MEIS1: variants seen among roughly 807,000 people sequenced by gnomAD.
MEIS1 encodes the protein Meis homeobox 1, also known as homeobox protein Meis1.
MEIS1 carries 5 observed loss-of-function variants against 50.8 expected under a neutral mutation model. That is an observed-to-expected ratio of 0.10 (90% CI 0.05 to 0.21). The LOEUF is 0.21. Among genes scored for constraint, MEIS1 ranks in the 10% least tolerant of loss-of-function variants. The pLI is 1.00. For synonymous variants in MEIS1, 176 were observed against 179.3 expected (o/e 0.98, Z 0.15); for missense variants, 318 against 517.3 (o/e 0.61, Z 3.74).
chr2:66,446,620 C>T (rs534686489), intron 6 of MEIS1, among the ~76,000 whole-genome samples: 8 of 152,366 alleles, frequency 5.3e-5, no homozygotes, highest in African/African-American at 1.9e-4. Flanking sequence ...CATTTAGCAG[C>T]TCCTGGGCGA....
chr2:66,565,908 A>C (rs1304214479), intron 9 of MEIS1, among the ~76,000 whole-genome samples: 2 of 152,114 alleles, frequency 1.3e-5, no homozygotes, highest in Admixed American at 1.3e-4. Flanking sequence ...CTAATGAAAA[A>C]ACAGATTTTT....
chr2:66,454,546 G>C (rs773415424), intron 6 of MEIS1, among the ~76,000 whole-genome samples: 8 of 151,836 alleles, frequency 5.3e-5, no homozygotes, highest in Non-Finnish European at 1.0e-4. Flanking sequence ...TGTTGCTTTC[G>C]GGATGTTATT....
intron 7 of MEIS1, among the ~76,000 whole-genome samples, chr2:66,504,112 G>A (rs574936832): frequency 7.9e-5 from 12 of 152,106 alleles, no homozygotes; most frequent in Middle Eastern, 6.8e-3. Flanking sequence ...TAAATTCATA[G>A]GAAGAAGTAT....
intron 8 of MEIS1, among the ~76,000 whole-genome samples, chr2:66,531,853 TA>T (rs1172539243): frequency 1.3e-5 from 2 of 152,056 alleles, no homozygotes; most frequent in African/African-American, 4.8e-5. Flanking sequence ...ACAGTGTCTG[TA>T]AAATCACTCG....
chr2:66,436,769 G>A (rs980419077), intron 1 of MEIS1: 5 of 513,956 alleles, frequency 9.7e-6, no homozygotes, highest in African/African-American at 2.1e-5. Context: ...CACTCTCAGC[G>A]CCTCCAAATC....
chr2:66,512,335 C>T (rs1321580254), intron 8 of MEIS1, 41 bp downstream of exon 8: 3 of 1,563,894 alleles, frequency 1.9e-6, no homozygotes, highest in African/African-American at 2.8e-5. Flanking sequence ...TAAATATGGA[C>T]AATGAACCAG....
At chr2:66,496,737 G>T (rs1416871363) in intron 7 of MEIS1, among the ~76,000 whole-genome samples, 1 of 152,152 alleles carries the variant, frequency 6.6e-6, no homozygotes, top group East Asian at 1.9e-4. Context: ...GGTTGCTCAA[G>T]TTCCAACCCT....
intron 7 of MEIS1, among the ~76,000 whole-genome samples, chr2:66,501,762 T>C (rs1165981533): frequency 6.6e-6 from 1 of 152,174 alleles, no homozygotes; most frequent in Non-Finnish European, 1.5e-5. Context: ...AAGTAAACTA[T>C]AAATCTGAAC....
chr2:66,547,919 C>T (rs924259474), intron 8 of MEIS1, 24 bp from the exon 9 acceptor site: 26 of 1,611,264 alleles, frequency 1.6e-5, no homozygotes, highest in African/African-American at 5.3e-5. Context: ...CTGATGCACA[C>T]GTATCTTTTT....
At chr2:66,567,690 C>T in intron 10 of MEIS1, 179 bp downstream of exon 10, 1 of 694,290 alleles carries the variant, frequency 1.4e-6, no homozygotes, top group South Asian at 1.5e-5. Context: ...CATTATAAAA[C>T]GTTTGGAGAA....
At position 66,440,886 on chromosome 2, in the gene MEIS1, G is replaced by A. The variant is rs1284081486; in HGVS notation, c.432+274G>A. ...GCTGCGCAGCTCTAATCAGCGCGGG[G>A]ATTTATCTCCCGGCCTGTCAGCATG... On this transcript the variant is annotated intron_variant, in intron 4 of 12. Transcript: ENST00000272369. 5.9e-6 allele frequency: 3 copies of A among 506,196 alleles called. No homozygotes were observed. In the South Asian group the frequency reaches 1.0e-4, roughly 17 times the overall value. 31.4% of individuals were successfully genotyped at this position (506,196 alleles called of 1,614,324 possible).
At chr2:66,538,320 A>T (rs1384756791) in intron 8 of MEIS1, among the ~76,000 whole-genome samples, 1 of 152,240 alleles carries the variant, frequency 6.6e-6, no homozygotes, top group East Asian at 1.9e-4. Context: ...TAATGGTAAG[A>T]GTACTTATCT....
intron 7 of MEIS1, among the ~76,000 whole-genome samples, chr2:66,499,000 G>T (rs1275537734): frequency 6.6e-6 from 1 of 152,196 alleles, no homozygotes; most frequent in Non-Finnish European, 1.5e-5. Context: ...ATCAAACTTT[G>T]TGAAGTACGA....
intron 8 of MEIS1, among the ~76,000 whole-genome samples, chr2:66,535,590 A>G (rs946187366): frequency 1.3e-5 from 2 of 152,172 alleles, no homozygotes; most frequent in African/African-American, 4.8e-5. Flanking sequence ...TAATGAGGAA[A>G]GTGTACTTTG....
chr2:66,459,984 G>A (rs1438721524), intron 6 of MEIS1, among the ~76,000 whole-genome samples: 1 of 152,158 alleles, frequency 6.6e-6, no homozygotes, highest in African/African-American at 2.4e-5. Flanking sequence ...CCACTGTGGA[G>A]GAGGGAATTA....
intron 9 of MEIS1, among the ~76,000 whole-genome samples, chr2:66,548,377 T>C (rs1572896122): frequency 6.6e-6 from 1 of 152,038 alleles, no homozygotes; most frequent in Non-Finnish European, 1.5e-5. Flanking sequence ...AACAAGAAAA[T>C]CCACCATCAC....
intron 7 of MEIS1, among the ~76,000 whole-genome samples, chr2:66,467,610 A>G (rs868816597): frequency 1.6e-4 from 25 of 152,180 alleles, no homozygotes; most frequent in Admixed American, 2.6e-4. Flanking sequence ...AAAAGAAAAA[A>G]AAAAATCCAA....
At chr2:66,505,917 T>A (rs1487349028) in intron 7 of MEIS1, among the ~76,000 whole-genome samples, 1 of 152,218 alleles carries the variant, frequency 6.6e-6, no homozygotes, top group African/African-American at 2.4e-5. Context: ...TATAGTTTTT[T>A]ATTGATTTTC....
At chr2:66,522,982 A>G in intron 8 of MEIS1, among the ~76,000 whole-genome samples, 1 of 152,242 alleles carries the variant, frequency 6.6e-6, no homozygotes, top group East Asian at 1.9e-4. Context: ...TTGCACACAG[A>G]TGTAATAATG....
Sources: gnomAD v4.1 joint callset for allele counts (sites outside exome capture counted in the v4.1 genomes callset) on GRCh38, gnomAD v4.1.1 for gene constraint, MANE v1.5 for transcripts, NCBI Gene and HGNC (gene_info 2026-07-23, HGNC 2026-07-21) for gene names.